Variants in SPTA1 observed in about 807,000 individuals in gnomAD.
SPTA1 encodes spectrin alpha, erythrocytic 1.
SPTA1 carries 177 observed loss-of-function variants against 324.7 expected under a neutral mutation model. The ratio of observed to expected loss-of-function variants is 0.55; its 90% CI spans 0.48 to 0.62. SPTA1 has a LOEUF of 0.62. Ranked by LOEUF, SPTA1 falls within the 20% of genes least tolerant of loss-of-function variation. The pLI is 0.00. For missense variants in SPTA1, 3,162 were observed against 2,883.6 expected (o/e 1.10, Z -2.21); for synonymous variants, 1,195 against 1,041.3 (o/e 1.15, Z -2.84).
At position 158,627,010 on chromosome 1, in the gene SPTA1, G is replaced by A. The variant is rs1256255955; in HGVS notation, c.5665-3C>T. 3 of 1,613,538 alleles carry A rather than the reference G, an allele frequency of 1.9e-6. No individual in the cohort carries two copies. The African/African-American group carries it at 4.0e-5, about 22-fold the overall frequency. On this transcript the variant is annotated splice_region_variant and splice_polypyrimidine_tract_variant and intron_variant, in intron 40 of 51. Transcript: ENST00000643759. The stretch of plus-strand genomic sequence containing the variant: ...TTCTGACTTTCCTCCTGCAACACCT[G>A]TGAGAAGGGGAGAGACAAATATATT...
intron 13 of SPTA1, 24 bp downstream of exon 13, chr1:158,669,685 G>C (rs759605774): frequency 1.9e-6 from 3 of 1,614,104 alleles, no homozygotes; most frequent in Non-Finnish European, 2.5e-6. Context: ...TAGGCACACA[G>C]AAGCTCTAGG....
intron 7 of SPTA1, among the ~76,000 whole-genome samples, chr1:158,677,467 G>A (rs1488273768): frequency 6.6e-6 from 1 of 152,136 alleles, no homozygotes; most frequent in African/African-American, 2.4e-5. Flanking sequence ...TAAAACATAT[G>A]TGTATATTTA....
Position 158,645,384 on chromosome 1 carries a change from T to G in SPTA1, c.3998A>C (p.Glu1333Ala), listed in dbSNP as rs1218376188. ...CTCTGCCTCCATGTCAGCACGGTGC[T>G]CCTGTGGGAAAAAGGGGGAAGAAAT... The part of the protein sequence containing the change: ...GIEILLERHQ[E>A]HRADMEAEAP... The change falls in exon 29 of 52, where the codon GAG becomes GCG. Residue 1333 changes from glutamate (E) to alanine (A), a missense_variant and splice_region_variant. Coordinates refer to ENST00000643759, the MANE Select transcript of SPTA1 (RefSeq NM_003126.4). The G allele has an allele frequency of 6.2e-7, 1 of 1,613,902 alleles. No individual in the cohort carries two copies. The highest frequency in any genetic ancestry group is 8.5e-7 in the Non-Finnish European group (1 of 1,179,920).
In SPTA1 at chr1:158,611,197, T is replaced by C; in HGVS notation, c.*67A>G. The C allele has an allele frequency of 1.9e-6, 3 of 1,589,136 alleles. No individual in the cohort carries two copies. Among genetic ancestry groups the C allele is most frequent in the Non-Finnish European group, 2.6e-6 (3 of 1,161,032 alleles). On this transcript the variant is annotated 3_prime_UTR_variant, in exon 52 of 52. Coordinates refer to ENST00000643759, the MANE Select transcript of SPTA1 (RefSeq NM_003126.4). The stretch of plus-strand genomic sequence containing the variant: ...CATCTTTATCTTCCACATTTGCCTG[T>C]ACTCTTTGCCCCCCAGTAAATTTCC...
At chr1:158,622,149 C>T (rs1649956872) in intron 43 of SPTA1, among the ~76,000 whole-genome samples, 1 of 152,188 alleles carries the variant, frequency 6.6e-6, no homozygotes, top group Admixed American at 6.5e-5. Flanking sequence ...TAGGCGTGAG[C>T]CACTGCACCT....
Position 158,649,878 on chromosome 1 carries a change from G to C in SPTA1, c.3547C>G (p.His1183Asp), listed in dbSNP as rs779576600. The change falls in exon 25 of 52, where the codon CAT becomes GAT. Residue 1183 changes from histidine to aspartate, a missense_variant. By Grantham distance (81) the His-to-Asp change is moderately conservative (BLOSUM62 -1). Transcript: ENST00000643759. The stretch of plus-strand genomic sequence containing the variant: ...TACCTGTGAAACACTTCAACAGCAT[G>C]GGCACTGCCCAGCAGCTGCCGCTGT... ...DEQRQLLGSA[H>D]AVEVFHREAD... 4 of 1,613,692 alleles carry C rather than the reference G, an allele frequency of 2.5e-6. No individual in the cohort carries two copies. The highest frequency in any genetic ancestry group is 3.4e-6 in the Non-Finnish European group (4 of 1,179,782).
At chr1:158,662,565 T>C (rs1653300139) in intron 17 of SPTA1, 137 bp downstream of exon 17, 1 of 1,173,782 alleles carries the variant, frequency 8.5e-7, no homozygotes. Flanking sequence ...TATGAAGGAC[T>C]GGACAAATTT....
chr1:158,636,005 T>C lies in SPTA1; in HGVS notation c.5340A>G (p.Lys1780=). 6.2e-7 allele frequency: 1 copy of C among 1,614,212 alleles called. No individual in the cohort carries two copies. ...QNVLDMAEKL[K]DKAAVGQEEI... is the part of the protein sequence containing the mutation. ...CCTCTTGCCCCACAGCAGCCTTGTC[T>C]TTCAGCTTCTCTGCCATATCCAGCA... The change falls in exon 38 of 52, where the codon AAA becomes AAG. Residue 1780 remains lysine, a synonymous_variant. Transcript: ENST00000643759.
At chr1:158,649,565 C>T (rs1652265730) in intron 25 of SPTA1, among the ~76,000 whole-genome samples, 1 of 152,284 alleles carries the variant, frequency 6.6e-6, no homozygotes, top group Non-Finnish European at 1.5e-5. Context: ...GGGATTACAG[C>T]TGTGAGCCAC....
rs1235732870 is a variant in SPTA1, at chr1:158,671,554, G to A, written c.1489-101C>T. The A allele has an allele frequency of 4.5e-6, 4 of 897,914 alleles. No individual in the cohort carries two copies. In the East Asian group the frequency reaches 1.0e-4, roughly 23 times the overall value. 55.6% of individuals were successfully genotyped at this position (897,914 alleles called of 1,614,324 possible). On this transcript the variant is annotated intron_variant, in intron 11 of 51. Transcript: ENST00000643759. ...AAGGACTAAGGCAGGAGGGAACAAG[G>A]TGGGAATTAGCACACATTATGATAA...
At chr1:158,611,807 G>C (rs1649276096) in intron 51 of SPTA1, 1 of 189,584 alleles carries the variant, frequency 5.3e-6, no homozygotes, top group African/African-American at 2.5e-5. Context: ...CTGCCAGAAA[G>C]TGGTAGAGCT....
chr1:158,679,551 G>C (rs185506621), intron 5 of SPTA1, among the ~76,000 whole-genome samples: 3 of 152,112 alleles, frequency 2.0e-5, no homozygotes, highest in African/African-American at 2.4e-5. Flanking sequence ...CATGATGAGA[G>C]GTCACCCAGA....
intron 35 of SPTA1, 93 bp from the exon 36 acceptor site, chr1:158,638,334 G>T: frequency 8.0e-7 from 1 of 1,247,074 alleles, no homozygotes; most frequent in Non-Finnish European, 1.1e-6. Flanking sequence ...CAAAGACTGG[G>T]CCAAATGGAT....
At chr1:158,652,727 T>C (rs879263604) in intron 22 of SPTA1, 74 bp from the exon 23 acceptor site, 17 of 1,534,600 alleles carry the variant, frequency 1.1e-5, no homozygotes, top group Admixed American at 1.7e-5. Context: ...GTGACAAACA[T>C]AGAGAAAGAA....
chr1:158,638,745 CAAAAAAAAAAAA>C (rs34072412), intron 35 of SPTA1, among the ~76,000 whole-genome samples: 3 of 92,214 alleles, frequency 3.3e-5, no homozygotes, highest in Admixed American at 1.3e-4. Flanking sequence ...GAGCTGGTAC[CAAAAAAAAAAAA>C]AAAAAAAAAG....
chr1:158,642,503 C>G lies in SPTA1; in HGVS notation c.4645G>C (p.Asp1549His). Residue 1549 changes from aspartate (D) to histidine (H), a missense_variant, in exon 33 of 52, where the codon GAT becomes CAT. Coordinates refer to ENST00000643759, the MANE Select transcript of SPTA1 (RefSeq NM_003126.4). The part of the protein sequence containing the change: ...LKHQTFAHEV[D>H]GRSEQVHGVI... The stretch of plus-strand genomic sequence containing the variant: ...CCATGCACCTGCTCAGATCGGCCAT[C>G]GACTTCATGTGCAAAGGTCTGGTGT... The G allele has an allele frequency of 6.2e-7, 1 of 1,613,528 alleles. No homozygotes were observed. The highest frequency in any genetic ancestry group is 8.5e-7 in the Non-Finnish European group (1 of 1,179,670).
intron 5 of SPTA1, 50 bp from the exon 6 acceptor site, chr1:158,678,584 A>T (rs762961145): frequency 1.9e-6 from 3 of 1,596,918 alleles, no homozygotes; most frequent in African/African-American, 1.3e-5. Context: ...GATTATATTT[A>T]AAAAATTATT....
chr1:158,636,554 T>G, intron 37 of SPTA1, 87 bp downstream of exon 37: 1 of 1,499,258 alleles, frequency 6.7e-7, no homozygotes, highest in Non-Finnish European at 9.3e-7. Flanking sequence ...TATTTTCACG[T>G]TTTGTAGCAC....
chr1:158,652,363 G>A, intron 23 of SPTA1, 104 bp downstream of exon 23: 1 of 1,325,028 alleles, frequency 7.5e-7, no homozygotes, highest in Non-Finnish European at 1.1e-6. Flanking sequence ...TAGCTTTGGG[G>A]AGAATATTTA....
Sources: allele counts gnomAD v4.1 joint callset (sites outside exome capture counted in the v4.1 genomes callset), GRCh38; gene constraint gnomAD v4.1.1; transcripts MANE v1.5; gene names NCBI Gene and HGNC (gene_info 2026-07-23, HGNC 2026-07-21).